PRORP: variants seen among roughly 807,000 people sequenced by gnomAD.
The protein encoded by PRORP is protein only RNase P catalytic subunit, also known as mitochondrial ribonuclease P catalytic subunit.
Under a neutral mutation model 59.4 loss-of-function variants are expected in PRORP, and 51 were observed. That is an observed-to-expected ratio of 0.86 (90% CI 0.69 to 1.08). The LOEUF is 1.08. Ranked by LOEUF, PRORP falls within the 50% of genes least tolerant of loss-of-function variation. The pLI is 0.00. For synonymous variants in PRORP, 231 were observed against 245.6 expected (o/e 0.94, Z 0.55); for missense variants, 646 against 690.3 (o/e 0.94, Z 0.72).
At chr14:35,253,876 C>T (rs1375244882) in intron 5 of PRORP, among the ~76,000 whole-genome samples, 1 of 151,842 alleles carries the variant, frequency 6.6e-6, no homozygotes, top group East Asian at 1.9e-4. Flanking sequence ...AATGGTATTC[C>T]TCAAGTGTCT....
intron 5 of PRORP, among the ~76,000 whole-genome samples, chr14:35,241,132 C>A (rs556857978): frequency 7.9e-5 from 12 of 152,270 alleles, no homozygotes; most frequent in African/African-American, 2.9e-4. Flanking sequence ...AATCCTAGCA[C>A]TTTGGGAGGC....
intron 5 of PRORP, among the ~76,000 whole-genome samples, chr14:35,256,922 G>A (rs1213486511): frequency 1.3e-5 from 2 of 149,342 alleles, no homozygotes; most frequent in Admixed American, 6.7e-5. Flanking sequence ...GCCCAGGCTA[G>A]AGTATAGTGG....
intron 5 of PRORP, among the ~76,000 whole-genome samples, chr14:35,202,815 G>A (rs1387990352): frequency 6.6e-6 from 1 of 151,956 alleles, no homozygotes; most frequent in African/African-American, 2.4e-5. Context: ...AAATTTTTTT[G>A]TAGAGATGGA....
intron 4 of PRORP, among the ~76,000 whole-genome samples, chr14:35,164,448 T>C (rs1036913467): frequency 6.6e-6 from 1 of 152,192 alleles, no homozygotes; most frequent in African/African-American, 2.4e-5. Context: ...TGGAATGCTA[T>C]GCAACCATAA....
intron 4 of PRORP, among the ~76,000 whole-genome samples, chr14:35,162,581 C>A (rs891202924): frequency 8.7e-5 from 13 of 149,250 alleles, no homozygotes; most frequent in Non-Finnish European, 1.5e-4. Flanking sequence ...TTTGAAAAAT[C>A]ATCTGTGATT....
chr14:35,246,660 A>C (rs2050493290), intron 5 of PRORP, among the ~76,000 whole-genome samples: 1 of 152,124 alleles, frequency 6.6e-6, no homozygotes, highest in Non-Finnish European at 1.5e-5. Flanking sequence ...GGTCTATATT[A>C]TAGTTTTAAT....
chr14:35,171,670 G>A (rs2048315161), intron 4 of PRORP, among the ~76,000 whole-genome samples: 1 of 152,016 alleles, frequency 6.6e-6, no homozygotes, highest in African/African-American at 2.4e-5. Context: ...AGTTTGCTCT[G>A]CTTCTTGGGT....
chr14:35,238,414 A>G (rs1264927068), intron 5 of PRORP, among the ~76,000 whole-genome samples: 1 of 152,188 alleles, frequency 6.6e-6, no homozygotes, highest in Non-Finnish European at 1.5e-5. Flanking sequence ...GAGGATGAGT[A>G]TGTATAGGAA....
chr14:35,179,854 T>A (rs113797747), intron 4 of PRORP, among the ~76,000 whole-genome samples: 5,997 of 152,230 alleles, frequency 0.039, 381 homozygotes, highest in African/African-American at 0.13. Context: ...TTTTTCCCCA[T>A]CTTTATGGTT....
intron 4 of PRORP, among the ~76,000 whole-genome samples, chr14:35,152,052 C>T (rs997083715): frequency 2.4e-4 from 37 of 151,616 alleles, no homozygotes; most frequent in Admixed American, 5.9e-4. Context: ...CAAAGGTCTC[C>T]GGTTTTCCTA....
At chr14:35,199,339 A>G (rs1477969036) in intron 5 of PRORP, among the ~76,000 whole-genome samples, 1 of 151,784 alleles carries the variant, frequency 6.6e-6, no homozygotes, top group Non-Finnish European at 1.5e-5. Context: ...ATCTAAAAAA[A>G]AAAAAAAAAA....
intron 4 of PRORP, among the ~76,000 whole-genome samples, chr14:35,144,827 TATG>T (rs1225538462): frequency 2.1e-5 from 3 of 146,044 alleles, no homozygotes. Context: ...CTGGTTTAGA[TATG>T]ATTTTCTTTT....
chr14:35,210,711 G>A (rs2049416577), intron 5 of PRORP, among the ~76,000 whole-genome samples: 1 of 145,756 alleles, frequency 6.9e-6, no homozygotes, highest in Non-Finnish European at 1.5e-5. Flanking sequence ...ATGCCTGCTG[G>A]GCTTCTGGAA....
At chr14:35,227,841 A>G (rs1352726897) in intron 5 of PRORP, among the ~76,000 whole-genome samples, 1 of 152,144 alleles carries the variant, frequency 6.6e-6, no homozygotes, top group East Asian at 1.9e-4. Flanking sequence ...AATACGTAAC[A>G]GGTAATTTAA....
chr14:35,134,991 G>A (rs1053748224), intron 4 of PRORP, among the ~76,000 whole-genome samples: 23 of 152,194 alleles, frequency 1.5e-4, no homozygotes, highest in African/African-American at 5.6e-4. Context: ...TCTGGCTAGA[G>A]CTAGTTTAAA....
chr14:35,177,722 G>A (rs1390375599), intron 4 of PRORP, among the ~76,000 whole-genome samples: 1 of 151,862 alleles, frequency 6.6e-6, no homozygotes, highest in Admixed American at 6.6e-5. Flanking sequence ...TTTTTTGAAG[G>A]GTTTTTTGTG....
chr14:35,266,507 C>G (rs144699349), intron 5 of PRORP, among the ~76,000 whole-genome samples: 172 of 152,144 alleles, frequency 1.1e-3, no homozygotes, highest in African/African-American at 1.5e-3. Context: ...GAAACCCCCC[C>G]CTGCAATGTA....
chr14:35,197,223 G>A (rs1030778519), intron 5 of PRORP, among the ~76,000 whole-genome samples: 1 of 152,046 alleles, frequency 6.6e-6, no homozygotes, highest in Non-Finnish European at 1.5e-5. Flanking sequence ...AGATTGTCTC[G>A]TGAGTCATTA....
At chr14:35,130,033 T>TC (rs1189284068) in intron 4 of PRORP, among the ~76,000 whole-genome samples, 12 of 140,928 alleles carry the variant, frequency 8.5e-5, no homozygotes, top group Admixed American at 3.4e-4. Context: ...AGACTTTCTT[T>TC]TTTTTTTTTT....
Sources: gnomAD v4.1 joint callset for allele counts (sites outside exome capture counted in the v4.1 genomes callset) on GRCh38, gnomAD v4.1.1 for gene constraint, MANE v1.5 for transcripts, NCBI Gene and HGNC (gene_info 2026-07-23, HGNC 2026-07-21) for gene names.